Variants in DEK observed in about 807,000 individuals in gnomAD.
The protein encoded by DEK is protein DEK.
A neutral mutation model predicts 46.8 loss-of-function variants in DEK; 28 were observed. The observed-to-expected ratio is 0.60, with a 90% confidence interval of 0.44 to 0.82. The LOEUF is 0.82. Ranked by LOEUF, DEK falls within the 40% of genes least tolerant of loss-of-function variation. The pLI, the probability that DEK is intolerant of heterozygous loss-of-function variation, is 0.00. For missense variants in DEK, 416 were observed against 430.6 expected, an observed-to-expected ratio of 0.97 and a Z score of 0.30; for synonymous variants, 160 against 144.5, an observed-to-expected ratio of 1.11 and a Z score of -0.77.
intron 9 of DEK, among the ~76,000 whole-genome samples, chr6:18,231,924 C>T (rs1790431299): frequency 6.6e-6 from 1 of 152,118 alleles, no homozygotes; most frequent in Non-Finnish European, 1.5e-5. Context: ...AAGAGAATTT[C>T]AGACCAATAT....
At chr6:18,239,650 A>C (rs1190696901) in intron 7 of DEK, among the ~76,000 whole-genome samples, 1 of 152,238 alleles carries the variant, frequency 6.6e-6, no homozygotes, top group Non-Finnish European at 1.5e-5. Flanking sequence ...AAAAGTAAGT[A>C]CATGAATTTC....
At chr6:18,232,016 A>G (rs566796974) in intron 9 of DEK, among the ~76,000 whole-genome samples, 1 of 152,304 alleles carries the variant, frequency 6.6e-6, no homozygotes, top group South Asian at 2.1e-4. Flanking sequence ...CTTATCTACC[A>G]TGATTAAGTG....
chr6:18,258,516 T>C (rs1423194729), intron 2 of DEK, 111 bp from the exon 3 acceptor site: 1 of 703,656 alleles, frequency 1.4e-6, no homozygotes, highest in Non-Finnish European at 2.2e-6. Context: ...TTATTCTTCT[T>C]CTGAGCATGG....
At chr6:18,236,629 T>C in intron 8 of DEK, 29 bp from the exon 9 acceptor site, 1 of 1,333,556 alleles carries the variant, frequency 7.5e-7, no homozygotes, top group Non-Finnish European at 9.9e-7. Context: ...TAATAATTTT[T>C]CTTACATAGT....
intron 9 of DEK, among the ~76,000 whole-genome samples, chr6:18,231,641 A>G (rs1301331482): frequency 6.6e-6 from 1 of 152,242 alleles, no homozygotes; most frequent in Non-Finnish European, 1.5e-5. Flanking sequence ...TCCTGGACAC[A>G]TACACCCTCC....
chr6:18,238,260 A>G (rs1790751401), intron 7 of DEK, among the ~76,000 whole-genome samples: 1 of 152,028 alleles, frequency 6.6e-6, no homozygotes, highest in Non-Finnish European at 1.5e-5. Flanking sequence ...CTATATGAGG[A>G]AACTAAGGCT....
chr6:18,253,176 T>A (rs1791464589), intron 6 of DEK, among the ~76,000 whole-genome samples: 5 of 151,978 alleles, frequency 3.3e-5, no homozygotes, highest in Admixed American at 3.3e-4. Flanking sequence ...CTCGGCTTAC[T>A]GCAAGCTTCA....
intron 2 of DEK, among the ~76,000 whole-genome samples, chr6:18,259,874 A>G (rs1358953198): frequency 6.6e-6 from 1 of 152,232 alleles, no homozygotes; most frequent in Non-Finnish European, 1.5e-5. Context: ...CAACAGGTAT[A>G]TTCTGGCCAT....
At chr6:18,262,400 C>T (rs527309607) in intron 2 of DEK, among the ~76,000 whole-genome samples, 2 of 151,696 alleles carry the variant, frequency 1.3e-5, no homozygotes, top group Non-Finnish European at 2.9e-5. Flanking sequence ...AAAACTTTCA[C>T]AATTCTACTT....
intron 9 of DEK, among the ~76,000 whole-genome samples, chr6:18,232,628 A>C (rs1409441018): frequency 6.6e-6 from 1 of 152,204 alleles, no homozygotes; most frequent in Non-Finnish European, 1.5e-5. Context: ...AAAGAGATTA[A>C]AATACCTAGG....
At chr6:18,255,613 G>T (rs1162912429) in intron 6 of DEK, 118 bp downstream of exon 6, 1 of 1,200,636 alleles carries the variant, frequency 8.3e-7, no homozygotes, top group Non-Finnish European at 1.1e-6. Flanking sequence ...AGAAGGTATA[G>T]TCTTTGAATG....
chr6:18,224,227 T>G lies in DEK; in HGVS notation c.*1492A>C, dbSNP rs1790009681. On this transcript the variant is annotated 3_prime_UTR_variant, in exon 11 of 11. Transcript: ENST00000652689. Reference sequence around the variant, plus strand: ...GACAAGGTTTATAAGAACAAATATTTAAAATCGAAGGCCAATTATTAGGTC... The same window carrying G: ...GACAAGGTTTATAAGAACAAATATTGAAAATCGAAGGCCAATTATTAGGTC... 5.6e-6 allele frequency: 1 copy of G among 178,576 alleles called. No homozygotes were observed. The highest frequency in any genetic ancestry group is 1.2e-5 in the Non-Finnish European group (1 of 83,104). 11.1% of individuals were successfully genotyped at this position (178,576 alleles called of 1,614,324 possible).
chr6:18,245,607 T>C (rs1791079349), intron 7 of DEK, among the ~76,000 whole-genome samples: 1 of 152,216 alleles, frequency 6.6e-6, no homozygotes, highest in Non-Finnish European at 1.5e-5. Flanking sequence ...AAAATATGCT[T>C]TTAAAGAGTC....
intron 7 of DEK, among the ~76,000 whole-genome samples, chr6:18,239,086 G>T (rs764042907): frequency 6.6e-6 from 1 of 151,946 alleles, no homozygotes; most frequent in Non-Finnish European, 1.5e-5. Flanking sequence ...CACCACACCC[G>T]GCTACTTTTG....
intron 7 of DEK, among the ~76,000 whole-genome samples, chr6:18,238,036 T>C (rs1445674369): frequency 1.3e-5 from 2 of 151,692 alleles, no homozygotes; most frequent in Non-Finnish European, 2.9e-5. Flanking sequence ...ACCCGGCTAA[T>C]TTTTGTATTT....
intron 7 of DEK, among the ~76,000 whole-genome samples, chr6:18,247,490 T>C (rs1582279221): frequency 1.3e-5 from 2 of 152,142 alleles, no homozygotes; most frequent in African/African-American, 2.4e-5. Context: ...TCACAGACCC[T>C]AGATTAGGGC....
Position 18,264,378 on chromosome 6 carries a change from C to T in DEK, c.-10+7G>A. 1 of 219,468 alleles carries T rather than the reference C, an allele frequency of 4.6e-6. No individual in the cohort carries two copies. Among genetic ancestry groups the T allele is most frequent in the Non-Finnish European group, 9.3e-6 (1 of 107,344 alleles). 13.6% of individuals were successfully genotyped at this position (219,468 alleles called of 1,614,324 possible). ...CCGGGCCTCCGGCGTCCCGAAGCAG[C>T]CCTTACCGCGGATTTCGGCCGCCGC... On this transcript the variant is annotated splice_region_variant and intron_variant, in intron 1 of 10. Coordinates refer to ENST00000652689, the MANE Select transcript of DEK (RefSeq NM_003472.4).
chr6:18,231,951 C>T (rs576743325), intron 9 of DEK, among the ~76,000 whole-genome samples: 65 of 152,142 alleles, frequency 4.3e-4, no homozygotes, highest in East Asian at 1.2e-3. Flanking sequence ...TGAACATCGA[C>T]GCAAAAATCC....
chr6:18,254,312 C>G (rs1791512836), intron 6 of DEK, among the ~76,000 whole-genome samples: 1 of 152,110 alleles, frequency 6.6e-6, no homozygotes, highest in Admixed American at 6.5e-5. Flanking sequence ...GCCTGGGCAA[C>G]AGAGTGAGAA....
Sources: gnomAD v4.1 joint callset for allele counts (sites outside exome capture counted in the v4.1 genomes callset) on GRCh38, gnomAD v4.1.1 for gene constraint, MANE v1.5 for transcripts, NCBI Gene and HGNC (gene_info 2026-07-23, HGNC 2026-07-21) for gene names.